ACSM3: variants seen among roughly 807,000 people sequenced by gnomAD.
ACSM3 encodes acyl-coenzyme A synthetase ACSM3, mitochondrial.
In ACSM3, 61 loss-of-function variants were observed where a neutral mutation model predicts 74.1. That is an observed-to-expected ratio of 0.82 (90% CI 0.67 to 1.02). The LOEUF (loss-of-function observed/expected upper bound fraction) is 1.02. Among genes scored for constraint, ACSM3 ranks in the 50% least tolerant of loss-of-function variants. The pLI, the probability that ACSM3 is intolerant of heterozygous loss-of-function variation, is 0.00. For synonymous variants in ACSM3, 213 were observed against 241.5 expected (o/e 0.88, Z 1.09); for missense variants, 660 against 697.0 (o/e 0.95, Z 0.60).
At chr16:20,779,625 C>A (rs900007677) in intron 4 of ACSM3, among the ~76,000 whole-genome samples, 3 of 152,060 alleles carry the variant, frequency 2.0e-5, no homozygotes, top group African/African-American at 7.2e-5. Flanking sequence ...TCCTTTGGAA[C>A]TAAAAGGTTT....
At chr16:20,686,847 T>A (rs1041772197) in intron 1 of ACSM3, among the ~76,000 whole-genome samples, 8 of 151,796 alleles carry the variant, frequency 5.3e-5, no homozygotes, top group Non-Finnish European at 1.0e-4. Context: ...GTGATTAACA[T>A]GTTAATTGGT....
rs759079778 is a variant in ACSM3 at position 20,781,803 on chromosome 16, A to ACTACT, written c.1019+16_1019+17insCTACT. 6.4e-7 allele frequency: 1 copy of ACTACT among 1,572,914 alleles called. No homozygotes were observed. The highest frequency in any genetic ancestry group is 8.8e-7 in the Non-Finnish European group (1 of 1,142,590). Reference sequence around the variant, plus strand: ...ATATAACCAGGTAAGAAATGTTAGTAAATAGGCATCTAGTGGGGAGAGGGG... The same window carrying ACTACT: ...ATATAACCAGGTAAGAAATGTTAGTACTACTAATAGGCATCTAGTGGGGAGAGGGG... On this transcript the variant is annotated intron_variant, in intron 7 of 13. Transcript: ENST00000289416.
chr16:20,724,705 C>T (rs2079798524), intron 1 of ACSM3, among the ~76,000 whole-genome samples: 1 of 151,956 alleles, frequency 6.6e-6, no homozygotes, highest in Admixed American at 6.6e-5. Context: ...AATCAATGTG[C>T]AAAAATCACA....
At chr16:20,721,625 A>G (rs1402736762) in intron 1 of ACSM3, 1 of 152,182 alleles carries the variant, frequency 6.6e-6, no homozygotes, top group Non-Finnish European at 1.5e-5. Context: ...TGACTTTCCT[A>G]CTGCCTCTAA....
intron 1 of ACSM3, chr16:20,741,548 G>T: frequency 6.4e-7 from 1 of 1,572,554 alleles, no homozygotes. Flanking sequence ...ATTCGTTGAG[G>T]AGGCTGTAGG....
intron 1 of ACSM3, among the ~76,000 whole-genome samples, chr16:20,684,425 T>G (rs1362731189): frequency 2.6e-5 from 4 of 152,218 alleles, no homozygotes; most frequent in Non-Finnish European, 4.4e-5. Flanking sequence ...TAAAACAGTA[T>G]AACTGAAGAG....
chr16:20,706,867 T>G (rs1368565052), intron 1 of ACSM3, among the ~76,000 whole-genome samples: 1 of 152,052 alleles, frequency 6.6e-6, no homozygotes, highest in Admixed American at 6.5e-5. Flanking sequence ...GAGAGACATG[T>G]CCATATGAGT....
Position 20,791,725 on chromosome 16 carries a change from G to A in ACSM3, c.1327-277G>A, listed in dbSNP as rs1347948989. Among the ~76,000 whole-genome samples, 5 of 152,196 alleles carry A rather than the reference G, an allele frequency of 3.3e-5. No individual in the cohort carries two copies. In the South Asian group the frequency reaches 1.0e-3, roughly 32 times the overall value. ...GCGGATCACTTGAGGTAAGGAGCTC[G>A]ACACCAGCCTGGCCAACATGGGGAA... On this transcript the variant is annotated intron_variant, in intron 10 of 13. Coordinates refer to ENST00000289416, the MANE Select transcript of ACSM3 (RefSeq NM_005622.4).
rs752062366 is a variant in ACSM3 at position 20,770,191 on chromosome 16, G to A, written c.157G>A (p.Gly53Arg). The part of the protein sequence containing the change: ...YESMKQDFKL[G>R]IPEYFNFAKD... ...ATCCATGAAACAGGACTTCAAACTG[G>A]GGATTCCAGAGTATTTCAACTTTGC... The change falls in exon 2 of 14, where the codon GGG (glycine) becomes AGG (arginine). Residue 53 changes from glycine (G) to arginine (R), a missense_variant. Physicochemically the swap from Gly to Arg is moderately radical, Grantham distance 125. Transcript: ENST00000289416. 3.1e-6 allele frequency: 5 copies of A among 1,614,092 alleles called. No homozygotes were observed. The highest frequency in any genetic ancestry group is 4.2e-6 in the Non-Finnish European group (5 of 1,180,008).
At chr16:20,764,467 C>T (rs972292149) in intron 1 of ACSM3, among the ~76,000 whole-genome samples, 9 of 152,068 alleles carry the variant, frequency 5.9e-5, no homozygotes, top group African/African-American at 2.2e-4. Context: ...CCTGTAATCC[C>T]ACCACTTTAG....
chr16:20,691,197 A>G, intron 1 of ACSM3: 1 of 1,556,974 alleles, frequency 6.4e-7, no homozygotes, highest in South Asian at 1.2e-5. Context: ...ATGGTGAAAC[A>G]GTCCTCAGAA....
At chr16:20,767,235 G>GTAGTTCCCTCT (rs1467405464) in intron 1 of ACSM3, among the ~76,000 whole-genome samples, 1 of 91,982 alleles carries the variant, frequency 1.1e-5, no homozygotes, top group Admixed American at 9.6e-5. Flanking sequence ...ACAGGGACCG[G>GTAGTTCCCTCT]GGCCGGGCGC....
At chr16:20,742,186 T>G in intron 1 of ACSM3, 2 of 549,924 alleles carry the variant, frequency 3.6e-6, no homozygotes, top group Non-Finnish European at 5.6e-6. Context: ...CCGTAACAGG[T>G]TGCATGAGCC....
At chr16:20,725,091 A>G (rs1221648995) in intron 1 of ACSM3, among the ~76,000 whole-genome samples, 1 of 152,232 alleles carries the variant, frequency 6.6e-6, no homozygotes, top group Non-Finnish European at 1.5e-5. Context: ...CTAAGCCAAA[A>G]GAACAAAGCT....
upstream of ACSM3, among the ~76,000 whole-genome samples, chr16:20,761,553 G>A (rs1193870365): frequency 1.3e-5 from 2 of 152,166 alleles, no homozygotes; most frequent in East Asian, 1.9e-4. Flanking sequence ...CCCCCCACAC[G>A]TCTAGTGTCA....
intron 1 of ACSM3, chr16:20,685,238 G>C: frequency 1.9e-6 from 3 of 1,614,160 alleles, no homozygotes; most frequent in Middle Eastern, 1.6e-4. Flanking sequence ...TCAGGAACTC[G>C]AGGCAGCATC....
In ACSM3 at chr16:20,797,330, A is replaced by G; in HGVS notation, c.*358A>G. 9.9e-7 allele frequency: 1 copy of G among 1,010,100 alleles called. No homozygotes were observed. The highest frequency in any genetic ancestry group is 1.2e-6 in the Non-Finnish European group (1 of 846,782). The allele number at this position is 1,010,100 out of a possible 1,614,324, so 62.6% of individuals were successfully genotyped here. On this transcript the variant is annotated 3_prime_UTR_variant, in exon 14 of 14. Transcript: ENST00000289416. ...TATGTTGATATACAAATCAGAACCA[A>G]TGTTCAAGCCTGAAATAAAACTAAA...
Position 20,739,487 on chromosome 16 carries a change from T to C in ACSM3, c.-189-10423T>C, listed in dbSNP as rs115601273. 6.7e-3 allele frequency among the ~76,000 whole-genome samples: 1,016 copies of C among 152,070 alleles called. 18 individuals are homozygous for C. Among genetic ancestry groups the C allele is most frequent in the African/African-American group, 0.023 (950 of 41,494 alleles). On this transcript the variant is annotated intron_variant, in intron 1 of 3. Coordinates refer to the ACSM3 transcript ENST00000561584. ...TGCCCAGCTGACTCAGTATTGATAA[T>C]AAAGCTTTTTTTACGAAGCTGGGAC...
At chr16:20,680,882 C>T (rs1308812790) in intron 1 of ACSM3, 1 of 152,186 alleles carries the variant, frequency 6.6e-6, no homozygotes, top group Non-Finnish European at 1.5e-5. Context: ...TGGACAGGAG[C>T]ATGTGTGTAG....
Sources: gnomAD v4.1 joint callset for allele counts (sites outside exome capture counted in the v4.1 genomes callset) on GRCh38, gnomAD v4.1.1 for gene constraint, MANE v1.5 for transcripts, NCBI Gene and HGNC (gene_info 2026-07-23, HGNC 2026-07-21) for gene names.